Variants in SHISA6 observed in about 807,000 individuals in gnomAD.
SHISA6 encodes shisa family member 6.
Under a neutral mutation model 47.9 loss-of-function variants are expected in SHISA6, and 22 were observed. The ratio of observed to expected loss-of-function variants is 0.46; its 90% CI spans 0.33 to 0.66. The LOEUF is 0.66. Ranked by LOEUF, SHISA6 falls within the 30% of genes least tolerant of loss-of-function variation. SHISA6 has a pLI of 0.02. For missense variants in SHISA6, 680 were observed against 764.6 expected (o/e 0.89, Z 1.30); for synonymous variants, 388 against 337.8 (o/e 1.15, Z -1.63).
intron 3 of SHISA6, among the ~76,000 whole-genome samples, chr17:11,443,294 G>C (rs2142299156): frequency 6.6e-6 from 1 of 152,266 alleles, no homozygotes; most frequent in Middle Eastern, 3.4e-3. Context: ...TGTAAGAGTG[G>C]GCCCATGGAA....
intron 3 of SHISA6, among the ~76,000 whole-genome samples, chr17:11,508,811 A>C (rs2071520931): frequency 7.2e-6 from 1 of 138,832 alleles, no homozygotes; most frequent in African/African-American, 2.7e-5. Context: ...TGAACAAGAC[A>C]AGTATGGTCC....
intron 3 of SHISA6, among the ~76,000 whole-genome samples, chr17:11,483,561 A>G (rs951976990): frequency 1.3e-5 from 2 of 152,256 alleles, no homozygotes; most frequent in African/African-American, 4.8e-5. Flanking sequence ...CAAATATAAT[A>G]TAAAGCAGTG....
At chr17:11,296,639 T>C (rs144276436) in intron 2 of SHISA6, among the ~76,000 whole-genome samples, 309 of 152,148 alleles carry the variant, frequency 2.0e-3, no homozygotes, top group Non-Finnish European at 3.7e-3. Context: ...GGCTGAAATA[T>C]AAATGTGAGT....
chr17:11,497,780 G>T (rs1438883355), intron 3 of SHISA6, among the ~76,000 whole-genome samples: 1 of 151,938 alleles, frequency 6.6e-6, no homozygotes, highest in Non-Finnish European at 1.5e-5. Flanking sequence ...GGCCTTCTCT[G>T]TCTCTCGCAT....
At chr17:11,296,045 G>T (rs1567564097) in intron 2 of SHISA6, among the ~76,000 whole-genome samples, 2 of 151,748 alleles carry the variant, frequency 1.3e-5, no homozygotes, top group Admixed American at 6.6e-5. Flanking sequence ...ATAAGCCAGA[G>T]AGCTTGGTTT....
At position 11,487,305 on chromosome 17, in the gene SHISA6, G is replaced by A. The variant is rs1346281778; in HGVS notation, c.896-64591G>A. Among the ~76,000 whole-genome samples, 5 of 152,210 alleles carry A rather than the reference G, an allele frequency of 3.3e-5. No individual in the cohort carries two copies. In the East Asian group the frequency reaches 7.7e-4, roughly 23 times the overall value. On this transcript the variant is annotated intron_variant, in intron 3 of 5. Transcript: ENST00000441885. ...CTCCTCCTGCATCAGGCATCCAGGG[G>A]AATGGGCCACTGAATGCGCCACCTA...
intron 3 of SHISA6, among the ~76,000 whole-genome samples, chr17:11,395,091 T>C (rs1913524318): frequency 6.8e-6 from 1 of 146,468 alleles, no homozygotes; most frequent in Non-Finnish European, 1.5e-5. Flanking sequence ...AAGCTCTGCC[T>C]CCTGGATTCA....
At chr17:11,314,454 A>T (rs1218849991) in intron 2 of SHISA6, among the ~76,000 whole-genome samples, 1 of 151,510 alleles carries the variant, frequency 6.6e-6, no homozygotes, top group Admixed American at 6.6e-5. Context: ...GGAAACTAAG[A>T]TATATATTAT....
intron 3 of SHISA6, among the ~76,000 whole-genome samples, chr17:11,388,604 A>G (rs1444071764): frequency 6.6e-6 from 1 of 151,652 alleles, no homozygotes; most frequent in Non-Finnish European, 1.5e-5. Context: ...GTTAGCACAC[A>G]CAGGCTCTCC....
intron 2 of SHISA6, among the ~76,000 whole-genome samples, chr17:11,307,143 C>CTTTTTTTTTTTTTTT (rs56109461): frequency 6.9e-6 from 1 of 145,236 alleles, no homozygotes; most frequent in Non-Finnish European, 1.5e-5. Context: ...TGTTTGTTTT[C>CTTTTTTTTTTTTTTT]TTTTTTTTTC....
chr17:11,412,581 G>A (rs546399630), intron 3 of SHISA6, among the ~76,000 whole-genome samples: 8 of 150,158 alleles, frequency 5.3e-5, no homozygotes, highest in East Asian at 1.9e-4. Context: ...TCACTCTGTC[G>A]CTCAGGCTGG....
At chr17:11,298,472 A>G (rs1213974678) in intron 2 of SHISA6, among the ~76,000 whole-genome samples, 1 of 152,200 alleles carries the variant, frequency 6.6e-6, no homozygotes, top group Non-Finnish European at 1.5e-5. Flanking sequence ...TATACCAAAG[A>G]GAAACACAGC....
At position 11,560,296 on chromosome 17, in the gene SHISA6, A is replaced by G. The variant is rs1182315971; in HGVS notation, c.*1992A>G. Reference sequence around the variant, plus strand: ...TGTGAAAGCCACTGTCAGACCCCACACTGGGGATGCATTCCTGGAGTCGTG... The same window carrying G: ...TGTGAAAGCCACTGTCAGACCCCACGCTGGGGATGCATTCCTGGAGTCGTG... On this transcript the variant is annotated 3_prime_UTR_variant, in exon 6 of 6. Coordinates refer to ENST00000441885, the MANE Select transcript of SHISA6 (RefSeq NM_207386.4). 1 of 152,406 alleles carries G rather than the reference A, an allele frequency of 6.6e-6. No individual in the cohort carries two copies. The highest frequency in any genetic ancestry group is 6.5e-5 in the Admixed American group (1 of 15,284). 9.4% of individuals were successfully genotyped at this position (152,406 alleles called of 1,614,324 possible). A position where few individuals can be genotyped will look rare whatever the true frequency, so the allele number is the denominator to read the frequency against.
intron 3 of SHISA6, among the ~76,000 whole-genome samples, chr17:11,513,556 C>T (rs1191200627): frequency 3.3e-5 from 5 of 152,196 alleles, no homozygotes; most frequent in African/African-American, 1.2e-4. Context: ...TGGAAGCTGA[C>T]TTGCATAAAT....
In SHISA6 at chr17:11,530,363, AAC is replaced by A. The variant is rs558980474; in HGVS notation, c.896-21531_896-21530del. On this transcript the variant is annotated intron_variant, in intron 3 of 5. Coordinates refer to ENST00000441885, the MANE Select transcript of SHISA6 (RefSeq NM_207386.4). ...GAAGTGTGCATTATTGACTTAGAAA[AAC>A]AGTGACAGTATTTTGTCACTGAAAA... Among the ~76,000 whole-genome samples, 29 of 152,290 alleles carry A rather than the reference AAC, an allele frequency of 1.9e-4. No homozygotes were observed. The East Asian group carries it at 5.2e-3, about 27-fold the overall frequency.
chr17:11,412,545 CTT>C (rs34149055), intron 3 of SHISA6, among the ~76,000 whole-genome samples: 7 of 117,238 alleles, frequency 6.0e-5, no homozygotes, highest in Admixed American at 1.8e-4. Flanking sequence ...TAGACTTCTT[CTT>C]TTTTTTTTTT....
chr17:11,351,718 G>A (rs1911899695), intron 2 of SHISA6, among the ~76,000 whole-genome samples: 1 of 152,214 alleles, frequency 6.6e-6, no homozygotes, highest in Non-Finnish European at 1.5e-5. Flanking sequence ...TAGGCCCTAA[G>A]CACATATTTG....
intron 2 of SHISA6, among the ~76,000 whole-genome samples, chr17:11,337,141 C>G (rs114571054): frequency 2.6e-5 from 4 of 152,166 alleles, no homozygotes; most frequent in Non-Finnish European, 5.9e-5. Flanking sequence ...GTTTTCCCAA[C>G]AGCAGAGTCT....
At chr17:11,314,298 A>AT (rs1366559334) in intron 2 of SHISA6, among the ~76,000 whole-genome samples, 4 of 151,952 alleles carry the variant, frequency 2.6e-5, no homozygotes, top group East Asian at 3.9e-4. Context: ...GGTGCTGAGT[A>AT]TTTTTTTGTC....
Sources: allele counts gnomAD v4.1 joint callset (sites outside exome capture counted in the v4.1 genomes callset), GRCh38; gene constraint gnomAD v4.1.1; transcripts MANE v1.5; gene names NCBI Gene and HGNC (gene_info 2026-07-23, HGNC 2026-07-21).